The following TMEM143 variants were observed in gnomAD, a reference collection of about 807,000 sequenced individuals.
TMEM143 encodes transmembrane protein 143.
In TMEM143, 45 loss-of-function variants were observed where a neutral mutation model predicts 40.3. The ratio of observed to expected loss-of-function variants is 1.12; its 90% confidence interval spans 0.88 to 1.43. The LOEUF is 1.43. Ranked by LOEUF, TMEM143 falls within the 40% of genes most tolerant of loss-of-function variation. TMEM143 has a pLI of 0.00. For missense variants in TMEM143, 620 were observed against 613.4 expected (o/e 1.01, Z -0.11); for synonymous variants, 299 against 282.7 (o/e 1.06, Z -0.58).
chr19:48,346,101 C>T (rs979864435), intron 3 of TMEM143, among the ~76,000 whole-genome samples: 3 of 136,988 alleles, frequency 2.2e-5, no homozygotes, highest in South Asian at 2.4e-4. Flanking sequence ...TTTTCTTTCT[C>T]TTTTTTTTGA....
At chr19:48,363,818 G>T in intron 1 of TMEM143, 80 bp downstream of exon 1, 1 of 1,598,756 alleles carries the variant, frequency 6.3e-7, no homozygotes, top group Non-Finnish European at 8.6e-7. Flanking sequence ...TCTTAGGAGA[G>T]CAGGAAATGC....
rs1442399607 is a variant in TMEM143, at chr19:48,360,253, C to CT, written c.265-78dup. On this transcript the variant is annotated intron_variant, in intron 2 of 7. Coordinates refer to ENST00000293261, the MANE Select transcript of TMEM143 (RefSeq NM_018273.4). ...GGGAAAGAATTCTTTCCCTGGCTGC[C>CT]TAACTACACAATCAGAGCTCTGGAC... is the stretch of plus-strand genomic sequence containing the variant. 10 of 1,397,878 alleles carry CT rather than the reference C, an allele frequency of 7.2e-6. No individual in the cohort carries two copies. In the South Asian group the frequency reaches 7.2e-5, roughly 10 times the overall value. 86.6% of individuals were successfully genotyped at this position (1,397,878 alleles called of 1,614,324 possible).
chr19:48,339,250 A>C (rs1313857902), intron 6 of TMEM143, among the ~76,000 whole-genome samples: 4 of 152,120 alleles, frequency 2.6e-5, no homozygotes, highest in Non-Finnish European at 5.9e-5. Flanking sequence ...TCATCCTTAG[A>C]TGCGGAGCCC....
intron 3 of TMEM143, among the ~76,000 whole-genome samples, chr19:48,350,919 C>CAAAAAAAA (rs71181680): frequency 1.1e-5 from 1 of 88,242 alleles, no homozygotes; most frequent in Non-Finnish European, 2.3e-5. Context: ...GACTACATCT[C>CAAAAAAAA]AAAAAAAAAA....
intron 3 of TMEM143, among the ~76,000 whole-genome samples, chr19:48,355,109 C>A (rs923331522): frequency 6.6e-6 from 1 of 151,976 alleles, no homozygotes; most frequent in South Asian, 2.1e-4. Flanking sequence ...CTCCACCTCC[C>A]GGGTTCAAGT....
At chr19:48,357,149 G>A (rs1379980800) in intron 3 of TMEM143, among the ~76,000 whole-genome samples, 1 of 151,220 alleles carries the variant, frequency 6.6e-6, no homozygotes, top group Non-Finnish European at 1.5e-5. Context: ...TAGAGACAGG[G>A]TTTCGTCATG....
intron 3 of TMEM143, 69 bp from the exon 4 acceptor site, chr19:48,345,423 G>A (rs578052198): frequency 3.8e-6 from 4 of 1,044,540 alleles, no homozygotes; most frequent in South Asian, 5.6e-5. Context: ...GACATCTAAG[G>A]ACATCCCTCT....
intron 3 of TMEM143, among the ~76,000 whole-genome samples, chr19:48,354,532 T>C (rs889126307): frequency 6.6e-6 from 1 of 152,168 alleles, no homozygotes; most frequent in African/African-American, 2.4e-5. Context: ...CTCAAAGTGC[T>C]GGAATAACAA....
intron 6 of TMEM143, among the ~76,000 whole-genome samples, chr19:48,334,430 CTTTCTTTCTT>C: frequency 5.1e-5 from 2 of 39,438 alleles, no homozygotes; most frequent in East Asian, 5.8e-4. Flanking sequence ...TTCTTTCTTT[CTTTCTTTCTT>C]TCTTTCTTTC....
chr19:48,344,495 C>A (rs117634739), intron 4 of TMEM143, among the ~76,000 whole-genome samples: 1 of 151,990 alleles, frequency 6.6e-6, no homozygotes, highest in African/African-American at 2.4e-5. Flanking sequence ...CCCTGTGTCG[C>A]CTAGATGAGT....
In TMEM143 at chr19:48,342,654, A is replaced by G. The variant is rs1969523951; in HGVS notation, c.851T>C (p.Met284Thr). The G allele has an allele frequency of 1.9e-6, 3 of 1,614,006 alleles. No individual in the cohort carries two copies. The highest frequency in any genetic ancestry group is 1.3e-5 in the African/African-American group (1 of 74,940). The change falls in exon 6 of 8, where the codon ATG becomes ACG. Residue 284 changes from methionine (M) to threonine (T), a missense_variant. By Grantham distance (81) the Met-to-Thr change is moderately conservative. Coordinates refer to ENST00000293261, the MANE Select transcript of TMEM143 (RefSeq NM_018273.4). ...GATCGCCACGCCGGAGACTACCAGC[A>G]TGAGGTTGAGCAGGGCGCGCTGCAG... ...PTLQRALLNL[M>T]LVVSGVAIFV... is the part of the protein sequence containing the mutation.
chr19:48,362,417 C>T (rs905145712), intron 2 of TMEM143, among the ~76,000 whole-genome samples: 5 of 151,888 alleles, frequency 3.3e-5, no homozygotes, highest in Admixed American at 2.6e-4. Context: ...CCCAGCCTCT[C>T]GGGGGCTGAG....
intron 6 of TMEM143, 33 bp downstream of exon 6, chr19:48,342,497 G>A: frequency 1.9e-6 from 3 of 1,572,352 alleles, no homozygotes; most frequent in South Asian, 1.2e-5. Context: ...CCACAGCGCA[G>A]GGCCGCAGGA....
rs147312249 is a variant in TMEM143, at chr19:48,356,159, C to A, written c.369+3913G>T. On this transcript the variant is annotated intron_variant, in intron 3 of 7. Coordinates refer to ENST00000293261, the MANE Select transcript of TMEM143 (RefSeq NM_018273.4). ...TTGGGATGGAGTCTCACTCTGCTGC[C>A]CAGGCTGGAGTGCAGTGGCACAATC... 2.4e-3 allele frequency among the ~76,000 whole-genome samples: 358 copies of A among 151,598 alleles called. 3 individuals carry two copies. Among genetic ancestry groups the A allele is most frequent in the Non-Finnish European group, 3.4e-3 (229 of 67,928 alleles).
intron 3 of TMEM143, among the ~76,000 whole-genome samples, chr19:48,354,212 G>A (rs1969834811): frequency 6.7e-6 from 1 of 149,930 alleles, no homozygotes; most frequent in South Asian, 2.1e-4. Flanking sequence ...ACCTGCCTCG[G>A]CCTCCCAAAG....
intron 3 of TMEM143, among the ~76,000 whole-genome samples, chr19:48,346,702 C>T (rs577153601): frequency 1.6e-4 from 25 of 151,860 alleles, no homozygotes; most frequent in Admixed American, 1.2e-3. Context: ...CTCAGCCTCC[C>T]GAGTAGCTGG....
At chr19:48,352,583 C>T (rs1799260) in intron 3 of TMEM143, among the ~76,000 whole-genome samples, 110,747 of 151,414 alleles carry the variant, frequency 0.73, 40,704 homozygotes, top group East Asian at 0.83. Flanking sequence ...CAGACCAGCC[C>T]GGCCAATATG....
intron 6 of TMEM143, 38 bp downstream of exon 6, chr19:48,342,492 G>T: frequency 1.3e-6 from 2 of 1,563,374 alleles, no homozygotes; most frequent in South Asian, 2.3e-5. Flanking sequence ...GGTCCCCACA[G>T]CGCAGGGCCG....
intron 6 of TMEM143, among the ~76,000 whole-genome samples, chr19:48,339,770 C>CGAGGCTGGAATGCAGTGGCGCA (rs1368222709): frequency 6.6e-6 from 1 of 152,082 alleles, no homozygotes; most frequent in Non-Finnish European, 1.5e-5. Context: ...GCTCTGTCAC[C>CGAGGCTGGAATGCAGTGGCGCA]GAGGCTGGAA....
Sources: gnomAD v4.1 joint callset for allele counts (sites outside exome capture counted in the v4.1 genomes callset) on GRCh38, gnomAD v4.1.1 for gene constraint, MANE v1.5 for transcripts, NCBI Gene and HGNC (gene_info 2026-07-23, HGNC 2026-07-21) for gene names.